Variants in DISP1 observed in about 807,000 individuals in gnomAD.
DISP1 encodes protein dispatched homolog 1.
DISP1 carries 30 observed loss-of-function variants against 37.3 expected under a neutral mutation model. The ratio of observed to expected loss-of-function variants is 0.80; its 90% CI spans 0.60 to 1.09. The LOEUF is 1.09. Among genes scored for constraint, DISP1 ranks in the 50% least tolerant of loss-of-function variants. DISP1 has a pLI of 0.00. For synonymous variants in DISP1, 634 were observed against 690.2 expected (o/e 0.92, Z 1.28); for missense variants, 1,598 against 1,879.5 (o/e 0.85, Z 2.77).
chr1:222,929,785 C>T (rs1453148208), intron 2 of DISP1, among the ~76,000 whole-genome samples: 1 of 151,978 alleles, frequency 6.6e-6, no homozygotes, highest in Non-Finnish European at 1.5e-5. Flanking sequence ...CTTGCATCTC[C>T]AATAGATTAT....
chr1:223,002,727 T>C lies in DISP1; in HGVS notation c.1330T>C (p.Tyr444His). 6.2e-7 allele frequency: 1 copy of C among 1,614,182 alleles called. No homozygotes were observed. Among genetic ancestry groups the C allele is most frequent in the Middle Eastern group, 1.6e-4 (1 of 6,062 alleles). Reference protein sequence around the residue: ...KDFMTPKTADYATPALKYSML... With the variant: ...KDFMTPKTADHATPALKYSML... ...CTTTATGACCCCAAAGACGGCTGAC[T>C]ATGCCACGCCAGCTTTAAAATACAG... The change falls in exon 9 of 9, where the codon TAT becomes CAT. Residue 444 changes from tyrosine (Y) to histidine (H), a missense_variant. By Grantham distance (83) the Tyr-to-His change is moderately conservative (BLOSUM62 2). Coordinates refer to ENST00000675850, the MANE Select transcript of DISP1 (RefSeq NM_001377229.1).
At chr1:222,971,985 C>T (rs368356611) in intron 3 of DISP1, among the ~76,000 whole-genome samples, 17 of 151,934 alleles carry the variant, frequency 1.1e-4, no homozygotes, top group East Asian at 7.7e-4. Flanking sequence ...CTTATAAAAC[C>T]GTACCCTCAA....
chr1:222,929,714 C>A (rs2789967), intron 2 of DISP1, among the ~76,000 whole-genome samples: 3,864 of 151,892 alleles, frequency 0.025, 168 homozygotes, highest in African/African-American at 0.087. Context: ...TAATATCTGG[C>A]GACACATTTC....
intron 1 of DISP1, among the ~76,000 whole-genome samples, chr1:222,849,742 A>G (rs1273603040): frequency 6.6e-6 from 1 of 152,174 alleles, no homozygotes; most frequent in Non-Finnish European, 1.5e-5. Flanking sequence ...TGAAATTTCT[A>G]AAAATTAAAA....
chr1:222,980,499 C>CT, intron 3 of DISP1, among the ~76,000 whole-genome samples: 1 of 151,532 alleles, frequency 6.6e-6, no homozygotes, highest in South Asian at 2.1e-4. Flanking sequence ...TAGCTTCTTG[C>CT]TTTTTTAATT....
intron 1 of DISP1, among the ~76,000 whole-genome samples, chr1:222,818,274 A>G (rs1661743703): frequency 6.6e-6 from 1 of 152,216 alleles, no homozygotes; most frequent in Admixed American, 6.5e-5. Context: ...TGGTGATAAT[A>G]CAGCAGAAAG....
At chr1:222,856,657 AAGAATATTG>A in intron 1 of DISP1, among the ~76,000 whole-genome samples, 1 of 152,106 alleles carries the variant, frequency 6.6e-6, no homozygotes, top group East Asian at 1.9e-4. Flanking sequence ...CCATTTGGGC[AAGAATATTG>A]AGTTAACTGG....
rs572726844 is a variant in DISP1 at position 222,829,290 on chromosome 1, C to CT, written c.-159+14213dup. Among the ~76,000 whole-genome samples the CT allele has an allele frequency of 3.8e-3, 571 of 152,206 alleles. 1 individual carries two copies. The highest frequency in any genetic ancestry group is 0.014 in the Middle Eastern group (4 of 294). ...TTGTAAAGTTTAGGTAGCAGATGCT[C>CT]TAAGAAAATTTATAAAATTAAGGCT... On this transcript the variant is annotated intron_variant, in intron 1 of 8. Coordinates refer to ENST00000675850, the MANE Select transcript of DISP1 (RefSeq NM_001377229.1).
chr1:222,898,092 C>T (rs1276043412), intron 1 of DISP1, among the ~76,000 whole-genome samples: 4 of 152,076 alleles, frequency 2.6e-5, no homozygotes, highest in Admixed American at 2.0e-4. Flanking sequence ...CTTATTAAAT[C>T]CACTTATCTG....
chr1:222,990,840 T>G, intron 5 of DISP1, 92 bp downstream of exon 5: 1 of 1,536,554 alleles, frequency 6.5e-7, no homozygotes, highest in South Asian at 1.1e-5. Context: ...AGTAACCCAT[T>G]TCTTTAAAAA....
chr1:222,974,265 A>G (rs886944596), intron 3 of DISP1, among the ~76,000 whole-genome samples: 3 of 152,202 alleles, frequency 2.0e-5, no homozygotes, highest in Admixed American at 1.3e-4. Context: ...CTCATTTTAA[A>G]GTATTGTCTC....
chr1:222,896,457 T>A (rs1419480330), intron 1 of DISP1, among the ~76,000 whole-genome samples: 1 of 151,888 alleles, frequency 6.6e-6, no homozygotes, highest in East Asian at 1.9e-4. Flanking sequence ...AAAAATTAGC[T>A]GGGTGTGCTG....
At chr1:222,888,483 TTTTAC>T (rs1670764176) in intron 1 of DISP1, among the ~76,000 whole-genome samples, 1 of 152,106 alleles carries the variant, frequency 6.6e-6, no homozygotes, top group East Asian at 1.9e-4. Context: ...GGGTAAAAAG[TTTTAC>T]TTTAAGTAAA....
In DISP1 at chr1:223,004,107, C is replaced by T. The variant is rs1298800689; in HGVS notation, c.2710C>T (p.His904Tyr). The T allele has an allele frequency of 1.2e-6, 2 of 1,613,990 alleles. No individual in the cohort carries two copies. Among genetic ancestry groups the T allele is most frequent in the African/African-American group, 1.3e-5 (1 of 74,868 alleles). ...GGAGCTGGAAAGGAGTACAGGGTAC[C>T]ATTTGGATAGCAAAACCCCAGGGCC... ...IMELERSTGY[H>Y]LDSKTPGPRF... The change falls in exon 9 of 9, where the codon CAT becomes TAT. Residue 904 changes from histidine (H) to tyrosine (Y), a missense_variant. Physicochemically the swap from His to Tyr is moderately conservative, Grantham distance 83. Transcript: ENST00000675850. The surrounding 1 kb of genome is among the most constrained non-coding windows in gnomAD (Gnocchi z 4.9).
intron 7 of DISP1, among the ~76,000 whole-genome samples, chr1:222,992,761 C>G (rs1678787576): frequency 6.6e-6 from 1 of 152,136 alleles, no homozygotes; most frequent in East Asian, 1.9e-4. Flanking sequence ...GAACATCTGC[C>G]CTGTCGAAAG....
At chr1:222,978,334 C>G (rs1162062480) in intron 3 of DISP1, among the ~76,000 whole-genome samples, 3 of 152,122 alleles carry the variant, frequency 2.0e-5, no homozygotes, top group African/African-American at 7.2e-5. Flanking sequence ...TGAGAAGTGT[C>G]TGTTCATATC....
At chr1:222,899,011 T>C (rs967145225) in intron 1 of DISP1, among the ~76,000 whole-genome samples, 12 of 152,168 alleles carry the variant, frequency 7.9e-5, no homozygotes, top group Non-Finnish European at 5.9e-5. Flanking sequence ...TTTTACAAAA[T>C]AAATTATGAA....
intron 3 of DISP1, among the ~76,000 whole-genome samples, chr1:222,945,501 A>G (rs1408189448): frequency 1.3e-5 from 2 of 152,232 alleles, no homozygotes; most frequent in Non-Finnish European, 2.9e-5. Context: ...AAATTACAAC[A>G]TAAAACTGGT....
At chr1:222,924,529 G>T (rs1370191747) in intron 1 of DISP1, among the ~76,000 whole-genome samples, 1 of 152,018 alleles carries the variant, frequency 6.6e-6, no homozygotes, top group African/African-American at 2.4e-5. Context: ...ATAATGCTCT[G>T]GTCTGAAGTT....
Sources: gnomAD v4.1 joint callset for allele counts (sites outside exome capture counted in the v4.1 genomes callset) on GRCh38, gnomAD v4.1.1 for gene constraint, Gnocchi (gnomAD v3.1) non-coding constraint, MANE v1.5 for transcripts, NCBI Gene and HGNC (gene_info 2026-07-23, HGNC 2026-07-21) for gene names.